The following ZNF469 variants were observed in gnomAD, a reference collection of about 807,000 sequenced individuals.
The protein encoded by ZNF469 is zinc finger protein 469.
A neutral mutation model predicts 1.0 loss-of-function variants in ZNF469; 1 was observed. That is an observed-to-expected ratio of 1.00 (90% CI 0.35 to 4.73). The LOEUF is 4.73. Among genes scored for constraint, ZNF469 ranks in the 30% most tolerant of loss-of-function variants. ZNF469 has a pLI of 0.16. For missense variants in ZNF469, 6,100 were observed against 5,356.3 expected (o/e 1.14, Z -4.33); for synonymous variants, 2,703 against 2,363.4 (o/e 1.14, Z -4.17).
the ZNF469 span, among the ~76,000 whole-genome samples, chr16:88,292,827 C>T: frequency 1.5e-5 from 2 of 136,130 alleles, no homozygotes; most frequent in East Asian, 4.6e-4. Flanking sequence ...AAACCTCTAA[C>T]AGAATTTGAT....
chr16:88,329,231 C>A, the ZNF469 span, among the ~76,000 whole-genome samples: 1 of 152,182 alleles, frequency 6.6e-6, no homozygotes, highest in Non-Finnish European at 1.5e-5. Context: ...GGTGAAGGGG[C>A]TCCAGGGAGG....
At chr16:88,300,144 A>C in the ZNF469 span, among the ~76,000 whole-genome samples, 2 of 152,080 alleles carry the variant, frequency 1.3e-5, no homozygotes, top group African/African-American at 4.8e-5. Flanking sequence ...ATTTCTCCCA[A>C]CTCTGCAGTG....
chr16:88,242,022 C>T, the ZNF469 span, among the ~76,000 whole-genome samples: 1 of 152,306 alleles, frequency 6.6e-6, no homozygotes, highest in Admixed American at 6.5e-5. Flanking sequence ...TTTGGCGAGA[C>T]TGTTAAAGGC....
rs1291362544 is a variant in ZNF469, at chr16:88,403,850, T to A, written c.-192+20596T>A. ...CAGCTCAGGTGCCCCCTCCCCTCAGTCCCAGGACACTCCTCAGCCTGGTTC... is the reference window on the plus strand; with the variant it reads ...CAGCTCAGGTGCCCCCTCCCCTCAGACCCAGGACACTCCTCAGCCTGGTTC... On this transcript the variant is annotated intron_variant, in intron 1 of 2. Transcript: ENST00000565624. 1.8e-4 allele frequency among the ~76,000 whole-genome samples: 27 copies of A among 152,012 alleles called. 1 individual carries two copies.
At chr16:88,175,583 C>T in the ZNF469 span, among the ~76,000 whole-genome samples, 933 of 152,290 alleles carry the variant, frequency 6.1e-3, 7 homozygotes, top group African/African-American at 0.022. Context: ...CAACACACTT[C>T]TAAATAACTC....
the ZNF469 span, among the ~76,000 whole-genome samples, chr16:88,309,303 C>T: frequency 2.0e-5 from 3 of 152,238 alleles, no homozygotes; most frequent in Non-Finnish European, 4.4e-5. Flanking sequence ...GCCAGCCCTA[C>T]AGGGACACCT....
At chr16:88,298,710 C>T in the ZNF469 span, among the ~76,000 whole-genome samples, 131 of 152,292 alleles carry the variant, frequency 8.6e-4, no homozygotes, top group African/African-American at 2.9e-3. Context: ...CCACCTTCCT[C>T]TCCCCACTCC....
chr16:88,327,672 C>G, the ZNF469 span, among the ~76,000 whole-genome samples: 1 of 152,146 alleles, frequency 6.6e-6, no homozygotes. Context: ...CCTCTCCGCT[C>G]CTCCACCGCC....
intron 1 of ZNF469, among the ~76,000 whole-genome samples, chr16:88,403,595 G>A (rs968051034): frequency 2.0e-5 from 3 of 152,380 alleles, no homozygotes; most frequent in East Asian, 3.9e-4. Context: ...AGGGGTGGGC[G>A]AGGGTGGCAG....
At chr16:88,270,769 C>A in the ZNF469 span, among the ~76,000 whole-genome samples, 2 of 152,240 alleles carry the variant, frequency 1.3e-5, no homozygotes, top group Non-Finnish European at 2.9e-5. Context: ...AAGCCCATCG[C>A]TGAACACTTC....
Position 88,418,575 on chromosome 16 carries a change from G to A in ZNF469, c.-191-6232G>A, listed in dbSNP as rs538267704. Among the ~76,000 whole-genome samples, 7 of 143,016 alleles carry A rather than the reference G, an allele frequency of 4.9e-5. No homozygotes were observed. The South Asian group carries it at 8.8e-4, about 18-fold the overall frequency. The allele number at this position is 143,016 out of a possible 152,430, so 93.8% of individuals were successfully genotyped here. A position where few individuals can be genotyped will look rare whatever the true frequency, so the allele number is the denominator to read the frequency against. ...CCCCGGCCACCTCCCTGTCATTTTC[G>A]AAGACATCATTTTCTTTCCCCATGT... On this transcript the variant is annotated intron_variant, in intron 1 of 2. Coordinates refer to ENST00000565624, the MANE Select transcript of ZNF469 (RefSeq NM_001367624.2).
In ZNF469 at chr16:88,433,514, A is replaced by C; in HGVS notation, c.6044A>C (p.His2015Pro). 6.5e-7 allele frequency: 1 copy of C among 1,550,250 alleles called. No individual in the cohort carries two copies. The highest frequency in any genetic ancestry group is 8.7e-7 in the Non-Finnish European group (1 of 1,146,880). Reference protein sequence around the residue: ...NGVSPGGTDNHASVNASPKTA... With the variant: ...NGVSPGGTDNPASVNASPKTA... Reference sequence around the variant, plus strand: ...GTGAGCCCAGGGGGCACGGACAACCACGCCTCAGTCAATGCCAGTCCCAAA... The same window carrying C: ...GTGAGCCCAGGGGGCACGGACAACCCCGCCTCAGTCAATGCCAGTCCCAAA... The change falls in exon 3 of 3, where the codon CAC becomes CCC. Residue 2015 changes from histidine to proline, a missense_variant. Coordinates refer to ENST00000565624, the MANE Select transcript of ZNF469 (RefSeq NM_001367624.2).
At chr16:88,413,117 C>T (rs973294167) in intron 1 of ZNF469, among the ~76,000 whole-genome samples, 1 of 152,164 alleles carries the variant, frequency 6.6e-6, no homozygotes. Flanking sequence ...TCTGCCTTAT[C>T]CAAGGCACGG....
At chr16:88,157,884 C>A in the ZNF469 span, among the ~76,000 whole-genome samples, 3 of 152,138 alleles carry the variant, frequency 2.0e-5, no homozygotes, top group African/African-American at 7.2e-5. Flanking sequence ...TGGGTCTCTG[C>A]TGAATGACCA....
chr16:88,126,817 C>T, the ZNF469 span, among the ~76,000 whole-genome samples: 3 of 150,904 alleles, frequency 2.0e-5, no homozygotes. Flanking sequence ...CCATACCCCG[C>T]TAATTCTTGT....
At chr16:88,199,497 T>C in the ZNF469 span, among the ~76,000 whole-genome samples, 40,516 of 152,162 alleles carry the variant, frequency 0.27, 5,566 homozygotes, top group South Asian at 0.37. Context: ...CTGAGGACTC[T>C]GCTCCCACCT....
At chr16:88,274,057 C>T in the ZNF469 span, among the ~76,000 whole-genome samples, 1 of 152,212 alleles carries the variant, frequency 6.6e-6, no homozygotes, top group Non-Finnish European at 1.5e-5. Context: ...CCTGCCTCGG[C>T]CTCCCAAAGT....
At position 88,398,673 on chromosome 16, in the gene ZNF469, GACA is replaced by G. The variant is rs1904768620; in HGVS notation, c.-192+15420_-192+15422del. On this transcript the variant is annotated intron_variant, in intron 1 of 2. Transcript: ENST00000565624. ...GGGGGGTGTGAGCCACAGATGAGGG[GACA>G]CGTGAGCCACAGGTGGAAAGGGCAT... is the stretch of plus-strand genomic sequence containing the variant. 2.6e-5 allele frequency among the ~76,000 whole-genome samples: 4 copies of G among 151,966 alleles called. No individual in the cohort carries two copies. The South Asian group carries it at 8.3e-4, about 32-fold the overall frequency.
the ZNF469 span, among the ~76,000 whole-genome samples, chr16:88,233,939 G>A: frequency 3.9e-5 from 6 of 152,250 alleles, no homozygotes; most frequent in East Asian, 5.8e-4. Flanking sequence ...TTAGGGATTT[G>A]GCCTGTTTGT....
Sources: allele counts gnomAD v4.1 joint callset (sites outside exome capture counted in the v4.1 genomes callset), GRCh38; gene constraint gnomAD v4.1.1; transcripts MANE v1.5; gene names NCBI Gene and HGNC (gene_info 2026-07-23, HGNC 2026-07-21).